The following PLCG2 variants were observed in gnomAD, a reference collection of about 807,000 sequenced individuals.
PLCG2 encodes 1-phosphatidylinositol 4,5-bisphosphate phosphodiesterase gamma-2.
PLCG2 carries 69 observed loss-of-function variants against 175.6 expected under a neutral mutation model. The ratio of observed to expected loss-of-function variants is 0.39; its 90% CI spans 0.32 to 0.48. The LOEUF (loss-of-function observed/expected upper bound fraction) is 0.48, where lower values mean the gene tolerates loss of function less well. PLCG2 is among the 20% of genes least tolerant of loss of function. PLCG2 has a pLI of 0.91. For missense variants in PLCG2, 1,798 were observed against 1,650.9 expected, an observed-to-expected ratio of 1.09 and a Z score of -1.54; for synonymous variants, 827 against 624.0, an observed-to-expected ratio of 1.33 and a Z score of -4.85.
intron 12 of PLCG2, chr16:81,895,481 A>G (rs767320454): frequency 1.2e-5 from 3 of 252,460 alleles, no homozygotes; most frequent in Non-Finnish European, 7.8e-6. Flanking sequence ...AATTGCTTCA[A>G]CCCGGGAGGC....
At chr16:81,840,576 T>G (rs1035078142) in intron 2 of PLCG2, among the ~76,000 whole-genome samples, 3 of 152,206 alleles carry the variant, frequency 2.0e-5, no homozygotes, top group African/African-American at 7.2e-5. Context: ...AGGCATTAGA[T>G]TCTCATAAAG....
intron 2 of PLCG2, among the ~76,000 whole-genome samples, chr16:81,806,449 A>G (rs768243749): frequency 1.3e-5 from 2 of 152,002 alleles, no homozygotes; most frequent in Admixed American, 6.6e-5. Context: ...GGGCCCGAGC[A>G]TCCAGTGCCA....
At chr16:81,917,839 A>G (rs1909905216) in intron 19 of PLCG2, among the ~76,000 whole-genome samples, 1 of 152,110 alleles carries the variant, frequency 6.6e-6, no homozygotes, top group Admixed American at 6.5e-5. Flanking sequence ...CTCTTGCCTC[A>G]GCCTCCCGAG....
At chr16:81,788,232 A>T (rs959219307) in intron 2 of PLCG2, among the ~76,000 whole-genome samples, 1 of 152,202 alleles carries the variant, frequency 6.6e-6, no homozygotes. Context: ...ATATATGGGT[A>T]TATCTGAAGG....
intron 9 of PLCG2, among the ~76,000 whole-genome samples, chr16:81,888,209 A>G (rs1908461331): frequency 6.6e-6 from 1 of 152,176 alleles, no homozygotes; most frequent in African/African-American, 2.4e-5. Context: ...TGCCACGGTC[A>G]GAGTACTTTC....
chr16:81,915,106 A>G (rs939574462), intron 19 of PLCG2, among the ~76,000 whole-genome samples: 1 of 152,212 alleles, frequency 6.6e-6, no homozygotes, highest in East Asian at 1.9e-4. Flanking sequence ...GTTTGAGCAC[A>G]TAAGGAAATC....
intron 2 of PLCG2, among the ~76,000 whole-genome samples, chr16:81,791,444 C>T (rs1469481827): frequency 1.3e-5 from 2 of 152,188 alleles, no homozygotes; most frequent in Non-Finnish European, 2.9e-5. Context: ...GGCAATTCTT[C>T]TACTCTTTGT....
chr16:81,899,270 GTATA>G (rs369588165), intron 13 of PLCG2, among the ~76,000 whole-genome samples: 28 of 147,702 alleles, frequency 1.9e-4, no homozygotes, highest in African/African-American at 2.8e-4. Flanking sequence ...GAGTATGTGT[GTATA>G]TATATATATA....
chr16:81,862,161 G>A (rs777438271), intron 5 of PLCG2, among the ~76,000 whole-genome samples: 16 of 152,212 alleles, frequency 1.1e-4, no homozygotes, highest in Admixed American at 1.3e-4. Context: ...GAGACGAATC[G>A]TGTTTCCTGA....
At chr16:81,764,904 A>C (rs1421986438) in intron 2 of PLCG2, among the ~76,000 whole-genome samples, 1 of 152,054 alleles carries the variant, frequency 6.6e-6, no homozygotes, top group Non-Finnish European at 1.5e-5. Flanking sequence ...AGCCTGGACA[A>C]AACTGAGACC....
rs773217491 is a variant in PLCG2 at position 81,921,371 on chromosome 16, T to G, written c.2307+102T>G. 3 of 816,062 alleles carry G rather than the reference T, an allele frequency of 3.7e-6. No homozygotes were observed. In the South Asian group the frequency reaches 4.2e-5, roughly 11 times the overall value. The allele number at this position is 816,062 out of a possible 1,614,324, so 50.6% of individuals were successfully genotyped here. ...GTTATAACAGGGCAAGGGAAGACTTTGGAAAACCTGGCCAAAATAATTTTT... is the reference window on the plus strand; with the variant it reads ...GTTATAACAGGGCAAGGGAAGACTTGGGAAAACCTGGCCAAAATAATTTTT... On this transcript the variant is annotated intron_variant, in intron 21 of 32. Coordinates refer to ENST00000564138, the MANE Select transcript of PLCG2 (RefSeq NM_002661.5).
intron 18 of PLCG2, 143 bp from the exon 19 acceptor site, chr16:81,912,454 G>A (rs1031260746): frequency 7.2e-5 from 70 of 966,472 alleles, no homozygotes; most frequent in Non-Finnish European, 9.9e-5. Context: ...CTTTGTCTGG[G>A]GAAGCCCACT....
chr16:81,939,846 G>T, intron 29 of PLCG2, 46 bp from the exon 30 acceptor site: 1 of 1,342,148 alleles, frequency 7.5e-7, no homozygotes, highest in Non-Finnish European at 1.1e-6. Flanking sequence ...TTACCAGAAG[G>T]GGGCAGCTCC....
intron 2 of PLCG2, chr16:81,767,751 T>C (rs1910185949): frequency 6.6e-6 from 1 of 152,200 alleles, no homozygotes; most frequent in South Asian, 2.1e-4. Context: ...CTTATGCTCT[T>C]TTGTATCCAA....
chr16:81,887,769 C>G (rs1203112840), intron 9 of PLCG2, among the ~76,000 whole-genome samples: 1 of 152,184 alleles, frequency 6.6e-6, no homozygotes, highest in African/African-American at 2.4e-5. Flanking sequence ...AAGCATTGAT[C>G]AAAGTTGAAT....
chr16:81,928,442 T>G, intron 23 of PLCG2, 116 bp from the exon 24 acceptor site: 2 of 707,612 alleles, frequency 2.8e-6, no homozygotes, highest in Non-Finnish European at 5.3e-6. Context: ...GTAATGAAAA[T>G]GCATTTTAAA....
At chr16:81,908,688 G>C (rs976083885) in intron 17 of PLCG2, 97 bp downstream of exon 17, 9 of 1,057,116 alleles carry the variant, frequency 8.5e-6, no homozygotes, top group Admixed American at 8.2e-5. Flanking sequence ...AATTGGGCAG[G>C]CTGGGACCTG....
At chr16:81,899,811 G>C (rs1909066616) in intron 13 of PLCG2, among the ~76,000 whole-genome samples, 1 of 152,198 alleles carries the variant, frequency 6.6e-6, no homozygotes, top group Admixed American at 6.5e-5. Context: ...CCCAGTGTCA[G>C]TCAATAATAT....
chr16:81,751,065 C>T (rs868251903), intron 1 of PLCG2, among the ~76,000 whole-genome samples: 19 of 149,770 alleles, frequency 1.3e-4, no homozygotes, highest in Non-Finnish European at 2.1e-4. Context: ...ACTACAACCT[C>T]CACCTCCAGG....
Sources: allele counts gnomAD v4.1 joint callset (sites outside exome capture counted in the v4.1 genomes callset), GRCh38; gene constraint gnomAD v4.1.1; transcripts MANE v1.5; gene names NCBI Gene and HGNC (gene_info 2026-07-23, HGNC 2026-07-21).